Variants in ABCB5 observed in about 807,000 individuals in gnomAD.
The protein encoded by ABCB5 is ATP-binding cassette sub-family B member 5.
ABCB5 carries 155 observed loss-of-function variants against 144.2 expected under a neutral mutation model. The observed-to-expected ratio is 1.08, with a 90% CI of 0.94 to 1.23. The LOEUF (loss-of-function observed/expected upper bound fraction) is 1.23, where lower values mean the gene tolerates loss of function less well. Ranked by LOEUF, ABCB5 falls within the 50% of genes most tolerant of loss-of-function variation. The pLI is 0.00. For synonymous variants in ABCB5, 610 were observed against 528.6 expected (o/e 1.15, Z -2.11); for missense variants, 1,830 against 1,520.8 (o/e 1.20, Z -3.38).
intron 3 of ABCB5, among the ~76,000 whole-genome samples, chr7:20,628,236 C>T (rs970960187): frequency 6.6e-6 from 1 of 152,120 alleles, no homozygotes; most frequent in African/African-American, 2.4e-5. Context: ...TCAACTCCCA[C>T]CTATGAGTGA....
At chr7:20,684,150 T>C (rs574144505) in intron 15 of ABCB5, among the ~76,000 whole-genome samples, 44 of 152,334 alleles carry the variant, frequency 2.9e-4, no homozygotes, top group Non-Finnish European at 5.7e-4. Context: ...GACATTAACA[T>C]TATTTTATCA....
In ABCB5 at chr7:20,645,819, GA is replaced by G; in HGVS notation, c.744del (p.Val249SerfsTer9). 1 of 1,613,880 alleles carries G rather than the reference GA, an allele frequency of 6.2e-7. No individual in the cohort carries two copies. Among genetic ancestry groups the G allele is most frequent in the East Asian group, 2.2e-5 (1 of 44,870 alleles). Reference sequence around the variant, plus strand: ...TTCCAAAGCTGGGGCTGTGGCAGAAGAAGTCTTGTCATCAATCCGAACAGTC... The same window carrying G: ...TTCCAAAGCTGGGGCTGTGGCAGAAGAGTCTTGTCATCAATCCGAACAGTC... The part of the protein sequence containing the change: ...AYSKAGAVAE[E>X]VLSSIRTVIA... On this transcript the variant is annotated frameshift_variant, in exon 8 of 28. Transcript: ENST00000404938. LOFTEE classifies it high-confidence loss of function.
Position 20,727,118 on chromosome 7 carries a change from G to T in ABCB5, c.2704G>T (p.Glu902Ter), listed in dbSNP as rs746470878. Residue 902 changes from glutamate to a stop codon, truncating the protein, a stop_gained, in exon 22 of 28, where the codon GAG (glutamate) becomes TAG (stop). Transcript: ENST00000404938. LOFTEE classifies it high-confidence loss of function. ...REKAFEQMYE[E>*]MLQTQHRNTS... Reference sequence around the variant, plus strand: ...AAAAGCCTTCGAGCAAATGTATGAAGAGATGCTTCAGACTCAACACAGGTG... The same window carrying T: ...AAAAGCCTTCGAGCAAATGTATGAATAGATGCTTCAGACTCAACACAGGTG... The T allele has an allele frequency of 6.2e-7, 1 of 1,613,520 alleles. No homozygotes were observed. Among genetic ancestry groups the T allele is most frequent in the Non-Finnish European group, 8.5e-7 (1 of 1,179,682 alleles).
chr7:20,656,110 T>G (rs1290531967), intron 13 of ABCB5, among the ~76,000 whole-genome samples: 2 of 152,164 alleles, frequency 1.3e-5, no homozygotes, highest in Non-Finnish European at 2.9e-5. Context: ...AATGTGACCT[T>G]TACTTTACAT....
At chr7:20,651,795 C>G (rs1223537391) in intron 13 of ABCB5, 172 bp downstream of exon 13, 1 of 619,316 alleles carries the variant, frequency 1.6e-6, no homozygotes, top group Non-Finnish European at 2.8e-6. Flanking sequence ...TGAATGAGGT[C>G]CAACACAAAT....
rs924407820 is a variant in ABCB5 at position 20,756,798 on chromosome 7, T to G, written c.*1174T>G. The stretch of plus-strand genomic sequence containing the variant: ...TGTGTAAATAACAATATTGGTAAAA[T>G]GAGTTACATTTTCAACTTACTTAAA... On this transcript the variant is annotated 3_prime_UTR_variant, in exon 28 of 28. Coordinates refer to ENST00000404938, the MANE Select transcript of ABCB5 (RefSeq NM_001163941.2). 1 of 152,300 alleles carries G rather than the reference T, an allele frequency of 6.6e-6. No homozygotes were observed. Among genetic ancestry groups the G allele is most frequent in the African/African-American group, 2.4e-5 (1 of 41,452 alleles). The allele number at this position is 152,300 out of a possible 1,614,324, so 9.4% of individuals were successfully genotyped here. A position where few individuals can be genotyped will look rare whatever the true frequency, so the allele number is the denominator to read the frequency against.
intron 14 of ABCB5, among the ~76,000 whole-genome samples, chr7:20,672,877 G>A (rs897767194): frequency 2.6e-5 from 4 of 152,022 alleles, no homozygotes; most frequent in Non-Finnish European, 5.9e-5. Flanking sequence ...ACTCCATTGC[G>A]TCATATTGAT....
rs1029195449 is a variant in ABCB5, at chr7:20,645,863, G to A, written c.786G>A (p.Gln262=). 4.3e-6 allele frequency: 7 copies of A among 1,613,544 alleles called. 1 individual carries two copies. In the African/African-American group the frequency reaches 6.7e-5, roughly 15 times the overall value. ...GAACAGTCATAGCCTTTAGGGCCCA[G>A]GAGAAAGAACTTCAAAGGTCTTTCC... ...SIRTVIAFRA[Q]EKELQRYTQN... is the part of the protein sequence containing the mutation. The change falls in exon 8 of 28, where the codon CAG becomes CAA. Residue 262 remains glutamine, a synonymous_variant. Transcript: ENST00000404938.
intron 1 of ABCB5, among the ~76,000 whole-genome samples, chr7:20,616,961 A>G (rs2128014845): frequency 6.6e-6 from 1 of 152,274 alleles, no homozygotes; most frequent in East Asian, 1.9e-4. Flanking sequence ...TTTATATAGC[A>G]ACCTCCTTTT....
At chr7:20,685,021 TG>T (rs1785949092) in intron 15 of ABCB5, among the ~76,000 whole-genome samples, 1 of 152,190 alleles carries the variant, frequency 6.6e-6, no homozygotes, top group Non-Finnish European at 1.5e-5. Flanking sequence ...TTCACTAAAG[TG>T]GTCTTTTTAG....
intron 4 of ABCB5, 131 bp downstream of exon 4, chr7:20,628,969 T>G (rs1783970985): frequency 9.7e-7 from 1 of 1,028,154 alleles, no homozygotes; most frequent in Admixed American, 2.9e-5. Context: ...TTAAGTCATT[T>G]ATTCTGCCAT....
intron 4 of ABCB5, among the ~76,000 whole-genome samples, chr7:20,631,095 T>C (rs559138254): frequency 1.3e-5 from 2 of 152,292 alleles, no homozygotes; most frequent in East Asian, 3.9e-4. Flanking sequence ...CTATCATTAG[T>C]TGGGGATCCA....
In ABCB5 at chr7:20,651,516, A is replaced by C. The variant is rs1320819767; in HGVS notation, c.1429A>C (p.Thr477Pro). ...VSQEPVLFGT[T>P]ISNNIKYGRD... Reference sequence around the variant, plus strand: ...TCAAGAGCCTGTTTTGTTCGGGACCACCATCAGTAACAATATCAAGTATGG... The same window carrying C: ...TCAAGAGCCTGTTTTGTTCGGGACCCCCATCAGTAACAATATCAAGTATGG... Residue 477 changes from threonine (T) to proline (P), a missense_variant, in exon 13 of 28, where the codon ACC becomes CCC. Transcript: ENST00000404938. 5 of 1,614,006 alleles carry C rather than the reference A, an allele frequency of 3.1e-6. No homozygotes were observed. The highest frequency in any genetic ancestry group is 3.3e-5 in the Admixed American group (2 of 59,982).
chr7:20,664,028 T>A (rs889617473), intron 14 of ABCB5, among the ~76,000 whole-genome samples: 1 of 151,352 alleles, frequency 6.6e-6, no homozygotes, highest in Non-Finnish European at 1.5e-5. Flanking sequence ...GCAATTTTTT[T>A]TTTTTTTACC....
intron 13 of ABCB5, among the ~76,000 whole-genome samples, chr7:20,657,753 C>T (rs1373451597): frequency 2.6e-5 from 4 of 152,048 alleles, no homozygotes; most frequent in African/African-American, 7.2e-5. Flanking sequence ...AAAATGGATG[C>T]ATTTTATTGT....
chr7:20,741,126 G>A (rs6968883), intron 24 of ABCB5, among the ~76,000 whole-genome samples: 125,460 of 148,226 alleles, frequency 0.85, 53,308 homozygotes, highest in African/African-American at 0.88. Flanking sequence ...AAAAATTAAA[G>A]TCTGGTCAAA....
chr7:20,647,070 T>C (rs1784428344), intron 9 of ABCB5, among the ~76,000 whole-genome samples: 1 of 152,206 alleles, frequency 6.6e-6, no homozygotes, highest in African/African-American at 2.4e-5. Context: ...AGCTGTCCCC[T>C]AATACAAAAA....
intron 26 of ABCB5, among the ~76,000 whole-genome samples, chr7:20,746,345 G>A (rs940460632): frequency 1.3e-5 from 2 of 152,098 alleles, no homozygotes; most frequent in African/African-American, 2.4e-5. Context: ...GTGATCCACC[G>A]CCTTGGCCTC....
At chr7:20,616,645 G>A (rs996551886) in intron 1 of ABCB5, among the ~76,000 whole-genome samples, 2 of 152,204 alleles carry the variant, frequency 1.3e-5, no homozygotes, top group African/African-American at 4.8e-5. Flanking sequence ...TAGATTTTGT[G>A]TAGAGCAATT....
Sources: allele counts gnomAD v4.1 joint callset (sites outside exome capture counted in the v4.1 genomes callset), GRCh38; gene constraint gnomAD v4.1.1; transcripts MANE v1.5; gene names NCBI Gene and HGNC (gene_info 2026-07-23, HGNC 2026-07-21).